RBM27: variants seen among roughly 807,000 people sequenced by gnomAD.
The protein encoded by RBM27 is RNA-binding protein 27.
In RBM27, 22 loss-of-function variants were observed where a neutral mutation model predicts 135.3. The observed-to-expected ratio is 0.16, with a 90% CI of 0.12 to 0.23. RBM27 has a LOEUF of 0.23. Ranked by LOEUF, RBM27 falls within the 10% of genes least tolerant of loss-of-function variation. The pLI, the probability that RBM27 is intolerant of heterozygous loss-of-function variation, is 1.00. For missense variants in RBM27, 1,009 were observed against 1,281.0 expected (o/e 0.79, Z 3.24); for synonymous variants, 481 against 442.4 (o/e 1.09, Z -1.10).
In RBM27 at chr5:146,228,407, G is replaced by T. The variant is rs185058922; in HGVS notation, c.304-539G>T. On this transcript the variant is annotated intron_variant, in intron 3 of 20. Coordinates refer to ENST00000265271, the MANE Select transcript of RBM27 (RefSeq NM_018989.2). ...AATGATTCTCCTGCCTCAGCCTCCCGAGTAGCTGGGACTACAGGCACGTGC... is the reference window on the plus strand; with the variant it reads ...AATGATTCTCCTGCCTCAGCCTCCCTAGTAGCTGGGACTACAGGCACGTGC... 5.6e-3 allele frequency among the ~76,000 whole-genome samples: 833 copies of T among 148,628 alleles called. 3 individuals carry two copies. Among genetic ancestry groups the T allele is most frequent in the Middle Eastern group, 0.022 (6 of 276 alleles).
intron 1 of RBM27, among the ~76,000 whole-genome samples, chr5:146,209,924 A>T (rs1214959549): frequency 2.0e-5 from 3 of 152,154 alleles, no homozygotes; most frequent in Non-Finnish European, 4.4e-5. Flanking sequence ...CCTTTTAAAG[A>T]TGTCTGACTT....
intron 2 of RBM27, 76 bp from the exon 3 acceptor site, chr5:146,223,327 G>C: frequency 1.4e-6 from 2 of 1,388,462 alleles, no homozygotes; most frequent in Non-Finnish European, 1.9e-6. Flanking sequence ...CTGTTTTCCT[G>C]AGCTTTGCTG....
chr5:146,228,631 C>T, intron 3 of RBM27, among the ~76,000 whole-genome samples: 1 of 151,914 alleles, frequency 6.6e-6, no homozygotes. Context: ...AGAAAGGTCT[C>T]ACTCTGTCAT....
intron 7 of RBM27, among the ~76,000 whole-genome samples, chr5:146,235,117 T>A (rs1031146826): frequency 2.6e-5 from 4 of 152,074 alleles, no homozygotes; most frequent in Non-Finnish European, 4.4e-5. Context: ...GCTGTTCAGT[T>A]TAAGCAGTAG....
At chr5:146,217,464 GTTTTTTTTTTTTTTT>G (rs545963169) in intron 1 of RBM27, among the ~76,000 whole-genome samples, 5 of 70,768 alleles carry the variant, frequency 7.1e-5, no homozygotes, top group South Asian at 8.9e-4. Flanking sequence ...GCTGAAGCCT[GTTTTTTTTTTTTTTT>G]TTTTTTTTTT....
chr5:146,214,179 A>G (rs556646605), intron 1 of RBM27, among the ~76,000 whole-genome samples: 15 of 152,352 alleles, frequency 9.8e-5, no homozygotes, highest in Middle Eastern at 6.8e-3. Context: ...TTACAAATCT[A>G]TAGTAGAATG....
At chr5:146,251,073 C>T (rs576366571) in intron 8 of RBM27, among the ~76,000 whole-genome samples, 5 of 152,216 alleles carry the variant, frequency 3.3e-5, no homozygotes, top group South Asian at 2.1e-4. Flanking sequence ...CGTGAGCCAC[C>T]GTGCCTGGCC....
intron 14 of RBM27, among the ~76,000 whole-genome samples, chr5:146,264,877 A>G (rs1758550820): frequency 6.6e-6 from 1 of 152,202 alleles, no homozygotes; most frequent in Non-Finnish European, 1.5e-5. Context: ...GATAAATAGT[A>G]TTGGGATGAC....
intron 1 of RBM27, among the ~76,000 whole-genome samples, chr5:146,207,729 A>G (rs1276362544): frequency 1.4e-5 from 2 of 142,294 alleles, no homozygotes; most frequent in Non-Finnish European, 3.0e-5. Flanking sequence ...ATCTTGGCTC[A>G]CTGCAACCTC....
intron 14 of RBM27, among the ~76,000 whole-genome samples, chr5:146,264,120 A>C (rs774709308): frequency 6.6e-6 from 1 of 151,032 alleles, no homozygotes; most frequent in Non-Finnish European, 1.5e-5. Context: ...AAAAAAAAAC[A>C]CAAAAAACAA....
intron 2 of RBM27, among the ~76,000 whole-genome samples, chr5:146,222,408 ATGTG>A (rs1160551199): frequency 6.6e-6 from 1 of 152,100 alleles, no homozygotes; most frequent in African/African-American, 2.4e-5. Flanking sequence ...CATAGGCTGG[ATGTG>A]GTGGCTCATG....
chr5:146,223,881 T>G (rs1279698983), intron 3 of RBM27, among the ~76,000 whole-genome samples: 2 of 152,200 alleles, frequency 1.3e-5, no homozygotes, highest in African/African-American at 4.8e-5. Context: ...TTTTCATGTA[T>G]ATGGAGAAAC....
intron 19 of RBM27, among the ~76,000 whole-genome samples, chr5:146,282,861 C>T (rs747005116): frequency 4.6e-5 from 7 of 152,072 alleles, no homozygotes; most frequent in East Asian, 1.9e-4. Context: ...AACTTGGTAG[C>T]GTCATAATAT....
chr5:146,270,842 C>T, intron 17 of RBM27, 112 bp from the exon 18 acceptor site: 1 of 628,690 alleles, frequency 1.6e-6, no homozygotes, highest in Non-Finnish European at 2.8e-6. Context: ...TTATTGCATC[C>T]TCTCATTCTC....
At chr5:146,224,246 T>C (rs752374090) in intron 3 of RBM27, among the ~76,000 whole-genome samples, 5 of 151,158 alleles carry the variant, frequency 3.3e-5, no homozygotes, top group African/African-American at 7.3e-5. Flanking sequence ...TGTATGTGTG[T>C]ATATATATAT....
intron 1 of RBM27, among the ~76,000 whole-genome samples, chr5:146,215,940 G>A (rs566133599): frequency 1.2e-4 from 18 of 152,082 alleles, no homozygotes; most frequent in African/African-American, 4.3e-4. Context: ...TAGTAGAGAC[G>A]GGATTTCACC....
intron 10 of RBM27, among the ~76,000 whole-genome samples, chr5:146,258,192 T>A (rs1758206342): frequency 6.6e-6 from 1 of 152,186 alleles, no homozygotes; most frequent in Admixed American, 6.5e-5. Context: ...TCCAGCAACC[T>A]TTCACCAATA....
chr5:146,237,547 A>T (rs1757223143), intron 8 of RBM27, 115 bp downstream of exon 8: 1 of 1,221,580 alleles, frequency 8.2e-7, no homozygotes, highest in Non-Finnish European at 1.2e-6. Context: ...GGATTCTAAA[A>T]ATTGTATTTG....
chr5:146,233,796 A>G (rs1005731509), intron 7 of RBM27, 53 bp downstream of exon 7: 2 of 1,273,394 alleles, frequency 1.6e-6, no homozygotes, highest in East Asian at 5.5e-5. Context: ...GAAGAACCTC[A>G]TCCCTTTTAG....
Sources: gnomAD v4.1 joint callset for allele counts (sites outside exome capture counted in the v4.1 genomes callset) on GRCh38, gnomAD v4.1.1 for gene constraint, MANE v1.5 for transcripts, NCBI Gene and HGNC (gene_info 2026-07-23, HGNC 2026-07-21) for gene names.